Variants in ADGRL3 observed in about 807,000 individuals in gnomAD.
ADGRL3 encodes calcium-independent alpha-latrotoxin receptor 3.
A neutral mutation model predicts 153.5 loss-of-function variants in ADGRL3; 62 were observed. That is an observed-to-expected ratio of 0.40 (90% confidence interval 0.33 to 0.50). ADGRL3 has a LOEUF of 0.50. ADGRL3 is among the 20% of genes least tolerant of loss of function. ADGRL3 has a pLI of 0.47. For missense variants in ADGRL3, 1,641 were observed against 1,859.4 expected (o/e 0.88, Z 2.16); for synonymous variants, 710 against 672.5 (o/e 1.06, Z -0.86).
chr4:61,375,392 G>T (rs1410396697), intron 1 of ADGRL3, among the ~76,000 whole-genome samples: 2 of 152,092 alleles, frequency 1.3e-5, no homozygotes, highest in South Asian at 4.1e-4. Flanking sequence ...CTGCTTGAAT[G>T]AAATTTTAAA....
chr4:61,885,769 A>G lies in ADGRL3; in HGVS notation c.1481-6887A>G, dbSNP rs1024077509. Among the ~76,000 whole-genome samples the G allele has an allele frequency of 4.6e-5, 7 of 152,318 alleles. No homozygotes were observed. In the East Asian group the frequency reaches 1.2e-3, roughly 25 times the overall value. ...TAGAATCATGATCCTATCAATTACC[A>G]GCTATGTAAGCTCGGGGGAATTATT... On this transcript the variant is annotated intron_variant, in intron 9 of 26. Transcript: ENST00000683033.
At position 62,076,502 on chromosome 4, in the gene ADGRL3, G is replaced by A. The variant is rs909903262; in HGVS notation, c.*5594G>A. 2.0e-5 allele frequency: 3 copies of A among 152,028 alleles called. No individual in the cohort carries two copies. The highest frequency in any genetic ancestry group is 7.2e-5 in the African/African-American group (3 of 41,424). 9.4% of individuals were successfully genotyped at this position (152,028 alleles called of 1,614,324 possible). On this transcript the variant is annotated 3_prime_UTR_variant, in exon 27 of 27. Transcript: ENST00000683033. ...CAAGTTAGCAAACTTATGGTAAGGT[G>A]ACAGGACCTAAACTAGAGTTACAGA...
intron 5 of ADGRL3, among the ~76,000 whole-genome samples, chr4:61,660,761 C>T (rs1332529353): frequency 6.6e-6 from 1 of 152,028 alleles, no homozygotes; most frequent in Non-Finnish European, 1.5e-5. Flanking sequence ...TGTCTTTCTT[C>T]TGAGTAACTT....
intron 6 of ADGRL3, among the ~76,000 whole-genome samples, chr4:61,717,992 C>T (rs1395520905): frequency 6.6e-6 from 1 of 151,938 alleles, no homozygotes; most frequent in Non-Finnish European, 1.5e-5. Context: ...TGAGATCAGG[C>T]CACTGCACAG....
chr4:61,628,418 C>A (rs2092960625), intron 5 of ADGRL3, among the ~76,000 whole-genome samples: 1 of 152,152 alleles, frequency 6.6e-6, no homozygotes, highest in Admixed American at 6.6e-5. Context: ...GTTTCAGATT[C>A]TTTGACAAAG....
At chr4:61,931,751 A>C (rs2098818460) in intron 13 of ADGRL3, among the ~76,000 whole-genome samples, 1 of 152,136 alleles carries the variant, frequency 6.6e-6, no homozygotes. Context: ...TTTTTAGTAA[A>C]TTTGGCAATT....
intron 9 of ADGRL3, among the ~76,000 whole-genome samples, chr4:61,856,598 CTCTCTCTTTTTTTTTTTTTTTT>C (rs1481075019): frequency 1.8e-5 from 1 of 56,896 alleles, no homozygotes; most frequent in Non-Finnish European, 4.2e-5. Context: ...CTCTCTCTCT[CTCTCTCTTTTTTTTTTTTTTTT>C]TTTTTTTTTT....
chr4:62,069,831 G>T (rs566445333), intron 26 of ADGRL3, among the ~76,000 whole-genome samples: 4 of 152,058 alleles, frequency 2.6e-5, no homozygotes, highest in South Asian at 4.2e-4. Context: ...TGTTTGTGTG[G>T]CAATTGCAAA....
intron 19 of ADGRL3, among the ~76,000 whole-genome samples, chr4:61,984,195 A>G (rs577681571): frequency 2.6e-5 from 4 of 152,212 alleles, no homozygotes; most frequent in Non-Finnish European, 4.4e-5. Flanking sequence ...ATCTACATAC[A>G]TGTAACAGTT....
At position 61,398,481 on chromosome 4, in the gene ADGRL3, T is replaced by A. The variant is rs113886049; in HGVS notation, c.-174+15292T>A. ...TATTTAAGACCTGGCAAGAATTTTG[T>A]ATTTAAAATCTTCAGCCAGACCTGA... On this transcript the variant is annotated intron_variant, in intron 2 of 26. Coordinates refer to ENST00000683033, the MANE Select transcript of ADGRL3 (RefSeq NM_001387552.1). 1.8e-3 allele frequency among the ~76,000 whole-genome samples: 274 copies of A among 151,856 alleles called. 2 individuals carry two copies. The highest frequency in any genetic ancestry group is 6.4e-3 in the African/African-American group (265 of 41,528).
intron 1 of ADGRL3, among the ~76,000 whole-genome samples, chr4:61,216,745 A>G (rs191551997): frequency 2.4e-4 from 36 of 152,308 alleles, no homozygotes; most frequent in Non-Finnish European, 7.3e-5. Flanking sequence ...CATGATTTCA[A>G]ACCTTTCCTC....
chr4:61,911,775 G>A (rs1305837634), intron 12 of ADGRL3, among the ~76,000 whole-genome samples: 3 of 151,918 alleles, frequency 2.0e-5, no homozygotes, highest in Non-Finnish European at 2.9e-5. Context: ...CACACAAAAG[G>A]CATCTGGGTA....
chr4:61,498,567 A>C (rs1432095192), intron 3 of ADGRL3, among the ~76,000 whole-genome samples: 4 of 152,054 alleles, frequency 2.6e-5, no homozygotes, highest in Non-Finnish European at 1.5e-5. Flanking sequence ...AAATGAAAAC[A>C]TACACAATAA....
chr4:61,778,374 TCAAA>T (rs2097176694), intron 8 of ADGRL3, among the ~76,000 whole-genome samples: 2 of 152,326 alleles, frequency 1.3e-5, no homozygotes, highest in South Asian at 4.1e-4. Context: ...TTTGAACATT[TCAAA>T]CAAACAGCTT....
chr4:61,473,252 T>A (rs185179828), intron 2 of ADGRL3, among the ~76,000 whole-genome samples: 2 of 151,242 alleles, frequency 1.3e-5, no homozygotes, highest in African/African-American at 4.9e-5. Flanking sequence ...TGGTCTTTTT[T>A]TTAAGTAGGG....
intron 17 of ADGRL3, among the ~76,000 whole-genome samples, chr4:61,977,341 A>G (rs969590164): frequency 4.6e-5 from 7 of 151,924 alleles, no homozygotes; most frequent in African/African-American, 1.7e-4. Context: ...CAATCGCAGC[A>G]TCTTTCCTTT....
intron 8 of ADGRL3, among the ~76,000 whole-genome samples, chr4:61,790,090 A>G (rs1294465823): frequency 6.6e-6 from 1 of 152,198 alleles, no homozygotes; most frequent in African/African-American, 2.4e-5. Flanking sequence ...TTTATAGCAA[A>G]GTTAACTCCG....
chr4:61,219,977 G>A (rs540969077), intron 1 of ADGRL3, among the ~76,000 whole-genome samples: 2 of 151,954 alleles, frequency 1.3e-5, no homozygotes, highest in African/African-American at 4.8e-5. Context: ...GCGTGGTGGC[G>A]GGCGCCTGTA....
At chr4:61,358,620 A>T (rs1000028749) in intron 1 of ADGRL3, among the ~76,000 whole-genome samples, 2 of 150,994 alleles carry the variant, frequency 1.3e-5, no homozygotes, top group Admixed American at 1.3e-4. Flanking sequence ...AAAAAAAAGA[A>T]AGCAGACCAT....
Sources: allele counts gnomAD v4.1 joint callset (sites outside exome capture counted in the v4.1 genomes callset), GRCh38; gene constraint gnomAD v4.1.1; transcripts MANE v1.5; gene names NCBI Gene and HGNC (gene_info 2026-07-23, HGNC 2026-07-21).